NLRP1: variants seen among roughly 807,000 people sequenced by gnomAD.
NLRP1 encodes NLR family pyrin domain containing 1.
NLRP1 carries 94 observed loss-of-function variants against 136.7 expected under a neutral mutation model. That is an observed-to-expected ratio of 0.69 (90% CI 0.58 to 0.82). The LOEUF (loss-of-function observed/expected upper bound fraction) is 0.82, where lower values mean the gene tolerates loss of function less well. Ranked by LOEUF, NLRP1 falls within the 40% of genes least tolerant of loss-of-function variation. NLRP1 has a pLI of 0.00. For missense variants in NLRP1, 1,575 were observed against 1,802.7 expected, an observed-to-expected ratio of 0.87 and a Z score of 2.29; for synonymous variants, 690 against 725.1, an observed-to-expected ratio of 0.95 and a Z score of 0.78.
Position 5,559,192 on chromosome 17 carries a change from T to C in NLRP1, c.1504A>G (p.Arg502Gly). The change falls in exon 4 of 17, where the codon AGA becomes GGA. Residue 502 changes from arginine (R) to glycine (G), a missense_variant. Coordinates refer to ENST00000572272, the MANE Select transcript of NLRP1 (RefSeq NM_033004.4). ...TTTGATTTGACCAACCTAAAGGCTC[T>C]AATTGCTTGCCTTTCATCTGTGAAA... The part of the protein sequence containing the change: ...RYFTDERQAI[R>G]AFRLVKSNKE... The C allele has an allele frequency of 6.2e-7, 1 of 1,614,220 alleles. No homozygotes were observed. Among genetic ancestry groups the C allele is most frequent in the Non-Finnish European group, 8.5e-7 (1 of 1,180,028 alleles).
downstream of NLRP1, chr17:5,512,196 T>C: frequency 8.1e-7 from 1 of 1,231,824 alleles, no homozygotes; most frequent in Non-Finnish European, 1.2e-6. Context: ...TCTTTAAATG[T>C]TCCACAGAGC....
intron 3 of NLRP1, among the ~76,000 whole-genome samples, chr17:5,577,757 G>A (rs150729832): frequency 6.6e-6 from 1 of 151,872 alleles, no homozygotes; most frequent in Non-Finnish European, 1.5e-5. Context: ...TGGAAAAAAC[G>A]ACTTAAAAGT....
Position 5,581,978 on chromosome 17 carries a change from G to A in NLRP1, c.533C>T (p.Thr178Ile), listed in dbSNP as rs1405381450. Residue 178 changes from threonine to isoleucine, a missense_variant, in exon 3 of 17, where the codon ACA (threonine) becomes ATA (isoleucine). Physicochemically the swap from Thr to Ile is moderately conservative, Grantham distance 89. Transcript: ENST00000572272. ...SPSQESPNAP[T>I]STAVLGSWGS... ...CCAGCTCCCCAGCACTGCTGTGGAT[G>A]TGGGGGCGTTGGGTGACTCCTGGCT... 1.2e-6 allele frequency: 2 copies of A among 1,613,772 alleles called. No individual in the cohort carries two copies. Among genetic ancestry groups the A allele is most frequent in the South Asian group, 1.1e-5 (1 of 91,054 alleles).
chr17:5,581,740 A>C, intron 3 of NLRP1, 119 bp downstream of exon 3: 1 of 869,452 alleles, frequency 1.2e-6, no homozygotes, highest in Non-Finnish European at 2.0e-6. Context: ...CCTGAGGGAA[A>C]TTTCAGATGT....
intron 6 of NLRP1, 107 bp from the exon 7 acceptor site, chr17:5,539,692 TG>T: frequency 7.0e-7 from 1 of 1,420,268 alleles, no homozygotes; most frequent in Non-Finnish European, 9.2e-7. Flanking sequence ...TTTGAGGGTC[TG>T]GGATGACATG....
At chr17:5,528,616 T>C (rs1267060112) in intron 12 of NLRP1, among the ~76,000 whole-genome samples, 3 of 152,220 alleles carry the variant, frequency 2.0e-5, no homozygotes, top group Non-Finnish European at 2.9e-5. Flanking sequence ...CCCTGCTTTT[T>C]ATTTTTCTCA....
chr17:5,531,173 AATCTATCT>A (rs5819032), intron 11 of NLRP1, among the ~76,000 whole-genome samples: 9,017 of 141,488 alleles, frequency 0.064, 425 homozygotes, highest in African/African-American at 0.13. Context: ...TAATCTATCT[AATCTATCT>A]ATCTATCTAT....
At chr17:5,518,517 T>C (rs1402079867) in intron 14 of NLRP1, 2 of 152,186 alleles carry the variant, frequency 1.3e-5, no homozygotes, top group African/African-American at 4.8e-5. Context: ...CCTTCAACTG[T>C]AGCTTGCAGT....
rs893872549 is a variant in NLRP1 at position 5,501,726 on chromosome 17, C to T, written c.*88G>A. ...AGACCTGCCTCACCTAAGCCCATTT[C>T]TCAGACCCACCTGCGGTCTACTCAG... On this transcript the variant is annotated 3_prime_UTR_variant, in exon 16 of 16. Coordinates refer to the NLRP1 transcript ENST00000262467. 7 of 1,065,352 alleles carry T rather than the reference C, an allele frequency of 6.6e-6. No homozygotes were observed. The East Asian group carries it at 1.4e-4, about 22-fold the overall frequency. 66.0% of individuals were successfully genotyped at this position (1,065,352 alleles called of 1,614,324 possible). A position where few individuals can be genotyped will look rare whatever the true frequency, so the allele number is the denominator to read the frequency against.
chr17:5,533,898 T>G lies in NLRP1; in HGVS notation c.3051A>C (p.Ser1017=), dbSNP rs767434640. 8 of 1,606,038 alleles carry G rather than the reference T, an allele frequency of 5.0e-6. No individual in the cohort carries two copies. In the South Asian group the frequency reaches 8.9e-5, roughly 18 times the overall value. ...TSSLKRQRLG[S]ERAASHVAQA... ...CCCAGCCTTGCCCCTTCAAACTACC[T>G]GATCCGAGTCTCTGCCGCTTGAGTG... is the stretch of plus-strand genomic sequence containing the variant. The change falls in exon 9 of 17, where the codon TCA becomes TCC. Residue 1017 remains serine, a splice_region_variant and synonymous_variant. Coordinates refer to ENST00000572272, the MANE Select transcript of NLRP1 (RefSeq NM_033004.4).
intron 12 of NLRP1, among the ~76,000 whole-genome samples, chr17:5,529,722 A>G (rs1219107891): frequency 6.8e-6 from 1 of 147,160 alleles, no homozygotes; most frequent in Non-Finnish European, 1.5e-5. Flanking sequence ...GTCATTTTTA[A>G]TGGTTCATTG....
In NLRP1 at chr17:5,559,575, T is replaced by C. The variant is rs1171858462; in HGVS notation, c.1121A>G (p.Gln374Arg). Residue 374 changes from glutamine (Q) to arginine (R), a missense_variant, in exon 4 of 17, where the codon CAG (glutamine) becomes CGG (arginine). By Grantham distance (43) the Gln-to-Arg change is conservative. Coordinates refer to ENST00000572272, the MANE Select transcript of NLRP1 (RefSeq NM_033004.4). ...CTCAGCGAGACTCACCACCTTGGAC[T>C]GGGCCAGCTCTCTGCAGCTGAAGTA... Reference protein sequence around the residue: ...VFYFSCRELAQSKVVSLAELI... With the variant: ...VFYFSCRELARSKVVSLAELI... 2 of 1,614,252 alleles carry C rather than the reference T, an allele frequency of 1.2e-6. No individual in the cohort carries two copies. The highest frequency in any genetic ancestry group is 2.2e-5 in the East Asian group (1 of 44,884).
At chr17:5,577,379 A>C (rs1373566405) in intron 3 of NLRP1, among the ~76,000 whole-genome samples, 1 of 152,242 alleles carries the variant, frequency 6.6e-6, no homozygotes, top group Non-Finnish European at 1.5e-5. Flanking sequence ...GTCTCAGCCC[A>C]AAATCTCCTT....
Position 5,520,765 on chromosome 17 carries a change from T to G in NLRP1, c.3915+116A>C. On this transcript the variant is annotated intron_variant, in intron 14 of 16. Coordinates refer to ENST00000572272, the MANE Select transcript of NLRP1 (RefSeq NM_033004.4). ...CACTTTCTCTAAATCCCACTCACTT[T>G]CTGTTCAACCTCGATTTATCCTGTC... 5.0e-6 allele frequency: 5 copies of G among 993,502 alleles called. No homozygotes were observed. The South Asian group carries it at 9.9e-5, about 20-fold the overall frequency. 61.5% of individuals were successfully genotyped at this position (993,502 alleles called of 1,614,324 possible). A position where few individuals can be genotyped will look rare whatever the true frequency, so the allele number is the denominator to read the frequency against.
At chr17:5,510,780 G>T (rs961566356), downstream of NLRP1, among the ~76,000 whole-genome samples, 1 of 152,026 alleles carries the variant, frequency 6.6e-6, no homozygotes, top group Non-Finnish European at 1.5e-5. Context: ...TCAGGCCTTC[G>T]CCTCTCAAAG....
intron 3 of NLRP1, among the ~76,000 whole-genome samples, chr17:5,567,190 C>T (rs1278711546): frequency 6.6e-6 from 1 of 151,866 alleles, no homozygotes; most frequent in Non-Finnish European, 1.5e-5. Context: ...TAAGGACTTA[C>T]TCTTGCCATT....
At chr17:5,540,900 C>T (rs993592568) in intron 6 of NLRP1, among the ~76,000 whole-genome samples, 1 of 152,056 alleles carries the variant, frequency 6.6e-6, no homozygotes, top group Non-Finnish European at 1.5e-5. Flanking sequence ...AAGGTGTAAA[C>T]AAGGATATTT....
rs964044082 is a variant in NLRP1, at chr17:5,583,060, T to G, written c.272-214A>C. ...AAATCCTCATCTAGGATCAGGAAAT[T>G]TGCATATCTGTCTTGGTCCTGACTA... On this transcript the variant is annotated intron_variant, in intron 1 of 16. Coordinates refer to ENST00000572272, the MANE Select transcript of NLRP1 (RefSeq NM_033004.4). The surrounding 1 kb of genome is among the most constrained non-coding windows in gnomAD (Gnocchi z 4.5). Among the ~76,000 whole-genome samples the G allele has an allele frequency of 1.3e-5, 2 of 152,048 alleles. No homozygotes were observed. Among genetic ancestry groups the G allele is most frequent in the Non-Finnish European group, 2.9e-5 (2 of 68,030 alleles).
intron 3 of NLRP1, among the ~76,000 whole-genome samples, chr17:5,561,554 C>T (rs1248579759): frequency 9.9e-6 from 1 of 101,486 alleles, no homozygotes. Context: ...CGCCATTCTC[C>T]TGCCTCAGCC....
Sources: allele counts gnomAD v4.1 joint callset (sites outside exome capture counted in the v4.1 genomes callset), GRCh38; gene constraint gnomAD v4.1.1; non-coding constraint Gnocchi (gnomAD v3.1); transcripts MANE v1.5; gene names NCBI Gene and HGNC (gene_info 2026-07-23, HGNC 2026-07-21).